The following IL1RAPL2 variants were observed in gnomAD, a reference collection of about 807,000 sequenced individuals.
The protein encoded by IL1RAPL2 is X-linked interleukin-1 receptor accessory protein-like 2.
IL1RAPL2 carries 3 observed loss-of-function variants against 44.1 expected under a neutral mutation model. The ratio of observed to expected loss-of-function variants is 0.07; its 90% CI spans 0.03 to 0.18. The LOEUF is 0.18. IL1RAPL2 is among the 10% of genes least tolerant of loss of function. The pLI is 1.00. For missense variants in IL1RAPL2, 391 were observed against 496.4 expected, an observed-to-expected ratio of 0.79 and a Z score of 2.02; for synonymous variants, 181 against 178.8, an observed-to-expected ratio of 1.01 and a Z score of -0.10.
intron 2 of IL1RAPL2, among the ~76,000 whole-genome samples, chrX:104,677,703 C>A (rs1034373143): frequency 8.9e-6 from 1 of 112,204 alleles, no homozygotes; most frequent in Non-Finnish European, 1.9e-5. Flanking sequence ...AGCCTCGCTG[C>A]CGCCTTGCAG....
At chrX:105,539,523 T>A (rs1396349742) in intron 6 of IL1RAPL2, among the ~76,000 whole-genome samples, 2 of 111,120 alleles carry the variant, frequency 1.8e-5, no homozygotes, top group Non-Finnish European at 3.8e-5. Context: ...AAAAATTAAC[T>A]CAAGATGGAT....
intron 2 of IL1RAPL2, among the ~76,000 whole-genome samples, chrX:104,674,507 T>C (rs1209697373): frequency 8.9e-6 from 1 of 112,215 alleles, no homozygotes; most frequent in Non-Finnish European, 1.9e-5. Context: ...GCCAGTATTT[T>C]ATTGAGGATT....
intron 2 of IL1RAPL2, among the ~76,000 whole-genome samples, chrX:104,967,602 G>A (rs746314550): frequency 9.0e-5 from 10 of 110,876 alleles, no homozygotes; most frequent in African/African-American, 2.9e-4. Flanking sequence ...AAAGCTAAAG[G>A]TTCGTTCTCT....
chrX:105,467,428 T>C (rs1349211788), intron 5 of IL1RAPL2, among the ~76,000 whole-genome samples: 2 of 111,390 alleles, frequency 1.8e-5, no homozygotes, highest in Non-Finnish European at 3.8e-5. Context: ...CTTAAGGAAA[T>C]ATATATAATG....
intron 2 of IL1RAPL2, among the ~76,000 whole-genome samples, chrX:105,035,990 C>A (rs188200466): frequency 9.0e-6 from 1 of 111,585 alleles, no homozygotes; most frequent in Admixed American, 9.5e-5. Flanking sequence ...TGTTTTTAAT[C>A]CAGTATCTCC....
intron 3 of IL1RAPL2, among the ~76,000 whole-genome samples, chrX:105,216,711 G>C (rs1556166404): frequency 9.0e-6 from 1 of 111,317 alleles, no homozygotes. Flanking sequence ...TATACTACAA[G>C]GCTACAGTAA....
chrX:105,032,871 G>T (rs1290612880), intron 2 of IL1RAPL2, among the ~76,000 whole-genome samples: 2 of 111,163 alleles, frequency 1.8e-5, no homozygotes, highest in Non-Finnish European at 3.8e-5. Flanking sequence ...AAGTCTCTTT[G>T]TAGGTCACTA....
At chrX:104,627,353 G>T (rs1234870801) in intron 1 of IL1RAPL2, among the ~76,000 whole-genome samples, 5 of 78,300 alleles carry the variant, frequency 6.4e-5, no homozygotes, top group Non-Finnish European at 9.4e-5. Flanking sequence ...GGAGGGGGGA[G>T]GGAAAGCATT....
intron 2 of IL1RAPL2, among the ~76,000 whole-genome samples, chrX:104,754,022 G>A (rs1025802313): frequency 3.6e-5 from 4 of 111,279 alleles, no homozygotes; most frequent in Admixed American, 9.6e-5. Flanking sequence ...TTCAAAGTAC[G>A]TTGTGGATGT....
At chrX:105,628,473 A>G (rs1326230626) in intron 6 of IL1RAPL2, among the ~76,000 whole-genome samples, 2 of 112,556 alleles carry the variant, frequency 1.8e-5, no homozygotes, top group Non-Finnish European at 3.7e-5. Flanking sequence ...TGTCATACAG[A>G]TATAAAAATG....
chrX:104,847,161 A>G (rs1311688696), intron 2 of IL1RAPL2, among the ~76,000 whole-genome samples: 1 of 111,742 alleles, frequency 8.9e-6, no homozygotes, highest in Non-Finnish European at 1.9e-5. Context: ...CACTCTGATG[A>G]TAGTTCCTTT....
intron 6 of IL1RAPL2, among the ~76,000 whole-genome samples, chrX:105,674,644 A>G (rs1399540128): frequency 3.6e-5 from 4 of 111,702 alleles, no homozygotes; most frequent in African/African-American, 6.5e-5. Flanking sequence ...TCATGGCTAT[A>G]TGGGCTCTTT....
intron 1 of IL1RAPL2, among the ~76,000 whole-genome samples, chrX:104,637,774 G>GTGTA (rs1303555199): frequency 1.4e-5 from 1 of 73,430 alleles, no homozygotes; most frequent in Non-Finnish European, 2.5e-5. Context: ...TGTAGTTTTT[G>GTGTA]TGTATGTGTG....
rs961172269 is a variant in IL1RAPL2, at chrX:105,128,455, C to G, written c.83-67020C>G. 4.5e-5 allele frequency among the ~76,000 whole-genome samples: 5 copies of G among 111,120 alleles called. No homozygotes were observed. The East Asian group carries it at 8.4e-4, about 19-fold the overall frequency. The stretch of plus-strand genomic sequence containing the variant: ...CACAGGAAATTTTGTTTGTTTTACA[C>G]AAGTGAAATTATGCTATGTACACTT... On this transcript the variant is annotated intron_variant, in intron 2 of 10. Coordinates refer to ENST00000372582, the MANE Select transcript of IL1RAPL2 (RefSeq NM_017416.2).
intron 7 of IL1RAPL2, among the ~76,000 whole-genome samples, chrX:105,725,991 A>G (rs1274858314): frequency 1.8e-5 from 2 of 111,216 alleles, no homozygotes; most frequent in Non-Finnish European, 3.8e-5. Flanking sequence ...AATACTATTG[A>G]TGATTCCAGG....
chrX:105,318,466 G>A (rs994941414), intron 5 of IL1RAPL2, among the ~76,000 whole-genome samples: 3 of 111,438 alleles, frequency 2.7e-5, no homozygotes, highest in Non-Finnish European at 3.8e-5. Flanking sequence ...AAATTTTTTT[G>A]GAGGAGTTGG....
At chrX:104,687,551 T>G (rs983750346) in intron 2 of IL1RAPL2, among the ~76,000 whole-genome samples, 2 of 111,466 alleles carry the variant, frequency 1.8e-5, no homozygotes, top group Non-Finnish European at 3.8e-5. Flanking sequence ...ACATGAGATT[T>G]GGTGGGGACA....
In IL1RAPL2 at chrX:105,586,527, G is replaced by T. The variant is rs763136404; in HGVS notation, c.772+102140G>T. ...TTTCAGGATTAATCTTGAAATTTTG[G>T]TTTATGCCCAGAGAAGCTTTTGCCT... On this transcript the variant is annotated intron_variant, in intron 6 of 10. Transcript: ENST00000372582. Among the ~76,000 whole-genome samples the T allele has an allele frequency of 6.3e-5, 7 of 111,588 alleles. No individual in the cohort carries two copies. In the Admixed American group the frequency reaches 6.7e-4, roughly 11 times the overall value.
At chrX:104,685,975 A>T (rs1013211719) in intron 2 of IL1RAPL2, among the ~76,000 whole-genome samples, 3 of 109,100 alleles carry the variant, frequency 2.7e-5, no homozygotes, top group African/African-American at 1.0e-4. Context: ...ATAAAAACTT[A>T]AAAAAAAAGA....
Sources: allele counts gnomAD v4.1 joint callset (sites outside exome capture counted in the v4.1 genomes callset), GRCh38; gene constraint gnomAD v4.1.1; transcripts MANE v1.5; gene names NCBI Gene and HGNC (gene_info 2026-07-23, HGNC 2026-07-21).